DPP6: variants seen among roughly 807,000 people sequenced by gnomAD.
The protein encoded by DPP6 is A-type potassium channel modulatory protein DPP6.
DPP6 carries 69 observed loss-of-function variants against 122.6 expected under a neutral mutation model. The observed-to-expected ratio is 0.56, with a 90% CI of 0.46 to 0.69. DPP6 has a LOEUF of 0.69. DPP6 is among the 30% of genes least tolerant of loss of function. DPP6 has a pLI of 0.00. For missense variants in DPP6, 928 were observed against 1,116.9 expected, an observed-to-expected ratio of 0.83 and a Z score of 2.41; for synonymous variants, 418 against 433.1, an observed-to-expected ratio of 0.97 and a Z score of 0.43.
intron 1 of DPP6, among the ~76,000 whole-genome samples, chr7:153,954,071 G>T (rs549393445): frequency 2.6e-5 from 4 of 152,164 alleles, no homozygotes; most frequent in Admixed American, 6.5e-5. Context: ...GCTAATTACA[G>T]ATCTCCATCG....
the DPP6 span, among the ~76,000 whole-genome samples, chr7:153,829,529 T>C: frequency 1.1e-4 from 16 of 152,196 alleles, no homozygotes; most frequent in Non-Finnish European, 2.1e-4. Context: ...TCCTCTTTTT[T>C]GTCTCTCTCC....
At chr7:153,902,407 G>C (rs1799675548) in intron 1 of DPP6, among the ~76,000 whole-genome samples, 1 of 152,146 alleles carries the variant, frequency 6.6e-6, no homozygotes, top group South Asian at 2.1e-4. Context: ...CTGGGAGACA[G>C]GGGTTCTGTC....
intron 1 of DPP6, among the ~76,000 whole-genome samples, chr7:153,978,074 T>A (rs1255417003): frequency 6.6e-6 from 1 of 152,228 alleles, no homozygotes; most frequent in African/African-American, 2.4e-5. Flanking sequence ...TACCCAGTAA[T>A]GGGATTGCTG....
At position 154,062,810 on chromosome 7, in the gene DPP6, A is replaced by G. The variant is rs1159317730; in HGVS notation, c.243+9747A>G. Among the ~76,000 whole-genome samples, 748 of 78,656 alleles carry G rather than the reference A, an allele frequency of 9.5e-3. 29 individuals carry two copies. Among genetic ancestry groups the G allele is most frequent in the Middle Eastern group, 0.027 (3 of 112 alleles). The allele number at this position is 78,656 out of a possible 152,430, so 51.6% of individuals were successfully genotyped here. On this transcript the variant is annotated intron_variant, in intron 1 of 25. Transcript: ENST00000377770. ...CTGGCTCTTAGGACCCCCATCGCAG[A>G]GGGGGGAGGCACCCCCCGCGAGGCG...
At chr7:153,898,930 G>T (rs1377083575) in intron 1 of DPP6, among the ~76,000 whole-genome samples, 1 of 152,162 alleles carries the variant, frequency 6.6e-6, no homozygotes, top group Non-Finnish European at 1.5e-5. Flanking sequence ...CTAATAAGTA[G>T]TTCTTTGCAT....
chr7:154,877,190 A>T lies in DPP6; in HGVS notation c.2078+1090A>T, dbSNP rs562545388. ...TATGTACTCAGCGAATGGTCTTTCA[A>T]TGGAAAACAATGAGCGTGTGAATGA... is the stretch of plus-strand genomic sequence containing the variant. On this transcript the variant is annotated intron_variant, in intron 20 of 25. Transcript: ENST00000377770. The surrounding 1 kb of genome is among the most constrained non-coding windows in gnomAD (Gnocchi z 5.2). 6.6e-6 allele frequency: 1 copy of T among 152,214 alleles called. No homozygotes were observed. The highest frequency in any genetic ancestry group is 6.5e-5 in the Admixed American group (1 of 15,272). 9.4% of individuals were successfully genotyped at this position (152,214 alleles called of 1,614,324 possible). A position where few individuals can be genotyped will look rare whatever the true frequency, so the allele number is the denominator to read the frequency against.
chr7:154,583,836 C>T (rs573559866), intron 5 of DPP6, among the ~76,000 whole-genome samples: 1 of 152,280 alleles, frequency 6.6e-6, no homozygotes, highest in Non-Finnish European at 1.5e-5. Flanking sequence ...ACAGTGTGTG[C>T]AACTGATCTC....
chr7:154,413,162 A>G (rs1356877577), intron 1 of DPP6, among the ~76,000 whole-genome samples: 1 of 152,206 alleles, frequency 6.6e-6, no homozygotes, highest in African/African-American at 2.4e-5. Flanking sequence ...GATTCAAGGC[A>G]GCTGCCCACC....
chr7:154,459,974 C>CTTTTTTTTTTTTTT (rs71184004), intron 2 of DPP6, among the ~76,000 whole-genome samples: 1 of 58,566 alleles, frequency 1.7e-5, no homozygotes, highest in African/African-American at 7.4e-5. Flanking sequence ...TATTCATGTG[C>CTTTTTTTTTTTTTT]TTTTTTTTTT....
intron 3 of DPP6, among the ~76,000 whole-genome samples, chr7:154,478,134 A>G (rs570504596): frequency 1.3e-5 from 2 of 152,228 alleles, no homozygotes; most frequent in Admixed American, 6.5e-5. Flanking sequence ...TTTGACAAAT[A>G]CTATAGAGTT....
At chr7:154,009,233 T>A (rs1189314575) in intron 1 of DPP6, among the ~76,000 whole-genome samples, 1 of 65,358 alleles carries the variant, frequency 1.5e-5, no homozygotes, top group Non-Finnish European at 3.0e-5. Flanking sequence ...CCAGTTTCTC[T>A]GGGAGTCAAA....
intron 1 of DPP6, among the ~76,000 whole-genome samples, chr7:154,213,974 T>C (rs1799868603): frequency 1.3e-5 from 2 of 152,170 alleles, no homozygotes; most frequent in African/African-American, 4.8e-5. Flanking sequence ...AATGGGAAGA[T>C]GGTCTTTGAG....
chr7:154,623,553 C>G (rs1325432811), intron 5 of DPP6, among the ~76,000 whole-genome samples: 4 of 149,556 alleles, frequency 2.7e-5, no homozygotes, highest in Non-Finnish European at 4.5e-5. Flanking sequence ...CACACACGCA[C>G]ACACGCAACA....
At chr7:153,787,004 T>G in the DPP6 span, among the ~76,000 whole-genome samples, 4 of 146,866 alleles carry the variant, frequency 2.7e-5, no homozygotes, top group Non-Finnish European at 3.0e-5. Context: ...CGGGCTGGAG[T>G]GCAGTGGTGC....
At chr7:154,705,059 G>A (rs1399945206) in intron 7 of DPP6, among the ~76,000 whole-genome samples, 1 of 152,172 alleles carries the variant, frequency 6.6e-6, no homozygotes, top group African/African-American at 2.4e-5. Flanking sequence ...ACCAGACAAG[G>A]AGCTCCTCCA....
At chr7:154,383,405 GA>G (rs1813800054) in intron 1 of DPP6, among the ~76,000 whole-genome samples, 1 of 152,194 alleles carries the variant, frequency 6.6e-6, no homozygotes, top group African/African-American at 2.4e-5. Context: ...ACTTGCATTT[GA>G]GTTCGCATCG....
At chr7:153,916,248 C>T (rs1800310173) in intron 1 of DPP6, among the ~76,000 whole-genome samples, 1 of 152,044 alleles carries the variant, frequency 6.6e-6, no homozygotes, top group Non-Finnish European at 1.5e-5. Flanking sequence ...GCTGGGATTA[C>T]AGGCGTGAGC....
intron 1 of DPP6, among the ~76,000 whole-genome samples, chr7:154,074,322 T>A (rs574872608): frequency 6.6e-6 from 1 of 151,970 alleles, no homozygotes; most frequent in Admixed American, 6.6e-5. Flanking sequence ...GTAAAATAGG[T>A]AGGAGCAAAT....
intron 1 of DPP6, among the ~76,000 whole-genome samples, chr7:153,929,677 G>A (rs1401326380): frequency 6.6e-6 from 1 of 152,132 alleles, no homozygotes; most frequent in African/African-American, 2.4e-5. Flanking sequence ...CCAGCAGTGG[G>A]TGGGAATGAG....
Sources: gnomAD v4.1 joint callset for allele counts (sites outside exome capture counted in the v4.1 genomes callset) on GRCh38, gnomAD v4.1.1 for gene constraint, Gnocchi (gnomAD v3.1) non-coding constraint, MANE v1.5 for transcripts, NCBI Gene and HGNC (gene_info 2026-07-23, HGNC 2026-07-21) for gene names.